The following GRIA2 variants were observed in gnomAD, a reference collection of about 807,000 sequenced individuals.
GRIA2 encodes the protein glutamate receptor 2.
In GRIA2, 14 loss-of-function variants were observed where a neutral mutation model predicts 97.3. The ratio of observed to expected loss-of-function variants is 0.14; its 90% confidence interval spans 0.10 to 0.23. The LOEUF is 0.23. Among genes scored for constraint, GRIA2 ranks in the 10% least tolerant of loss-of-function variants. The pLI is 1.00. For synonymous variants in GRIA2, 412 were observed against 387.8 expected (o/e 1.06, Z -0.73); for missense variants, 558 against 1,069.8 (o/e 0.52, Z 6.67).
At chr4:157,346,730 T>A (rs764660507) in intron 12 of GRIA2, among the ~76,000 whole-genome samples, 1 of 152,166 alleles carries the variant, frequency 6.6e-6, no homozygotes, top group Non-Finnish European at 1.5e-5. Flanking sequence ...CACTCATGCA[T>A]GGTTAGTCAT....
intron 4 of GRIA2, 120 bp from the exon 5 acceptor site, chr4:157,317,538 C>T: frequency 2.3e-6 from 1 of 427,144 alleles, no homozygotes; most frequent in Middle Eastern, 3.4e-4. Flanking sequence ...CTTATTTTGG[C>T]ACATCAACAA....
chr4:157,326,004 C>T (rs547617568), intron 6 of GRIA2, among the ~76,000 whole-genome samples: 1 of 152,260 alleles, frequency 6.6e-6, no homozygotes, highest in Non-Finnish European at 1.5e-5. Flanking sequence ...GAGCCAAAGT[C>T]ATCCTGTTGT....
In GRIA2 at chr4:157,363,649, ATTG is replaced by A. The variant is rs1736742119; in HGVS notation, c.*220_*222del. 9.0e-7 allele frequency: 1 copy of A among 1,105,764 alleles called. No homozygotes were observed. The highest frequency in any genetic ancestry group is 1.1e-6 in the Non-Finnish European group (1 of 871,134). The allele number at this position is 1,105,764 out of a possible 1,614,324, so 68.5% of individuals were successfully genotyped here. A position where few individuals can be genotyped will look rare whatever the true frequency, so the allele number is the denominator to read the frequency against. Reference sequence around the variant, plus strand: ...TACACAATGGTTTTCTTGTGTGTTTATTGTCAAAGTGGTGAGAGGCATCCAGTA... The same window carrying A: ...TACACAATGGTTTTCTTGTGTGTTTATCAAAGTGGTGAGAGGCATCCAGTA... On this transcript the variant is annotated 3_prime_UTR_variant, in exon 16 of 16. Coordinates refer to ENST00000264426, the MANE Select transcript of GRIA2 (RefSeq NM_001083619.3).
chr4:157,353,540 G>T (rs1378823224), intron 12 of GRIA2, among the ~76,000 whole-genome samples: 1 of 151,752 alleles, frequency 6.6e-6, no homozygotes, highest in Non-Finnish European at 1.5e-5. Context: ...GCCAGGTGTG[G>T]TGGTGGGCGC....
intron 12 of GRIA2, among the ~76,000 whole-genome samples, chr4:157,356,951 A>T (rs1736410424): frequency 6.6e-6 from 1 of 152,142 alleles, no homozygotes; most frequent in Admixed American, 6.6e-5. Flanking sequence ...TGGCAAAAAC[A>T]GCAATTACTT....
At chr4:157,239,743 T>C (rs1730418369) in intron 2 of GRIA2, among the ~76,000 whole-genome samples, 1 of 151,972 alleles carries the variant, frequency 6.6e-6, no homozygotes, top group Admixed American at 6.6e-5. Context: ...AATCAATAAG[T>C]ATTGTTTACA....
chr4:157,272,518 T>A (rs926746270), intron 2 of GRIA2, among the ~76,000 whole-genome samples: 22 of 152,076 alleles, frequency 1.4e-4, no homozygotes, highest in African/African-American at 5.3e-4. Context: ...ATCTTTGAGT[T>A]AAAAACTCCA....
intron 6 of GRIA2, among the ~76,000 whole-genome samples, chr4:157,322,478 A>T (rs1310553039): frequency 8.6e-5 from 13 of 152,038 alleles, no homozygotes. Flanking sequence ...ATGGGTTTGG[A>T]CACAATGAGA....
intron 2 of GRIA2, among the ~76,000 whole-genome samples, chr4:157,258,969 C>A (rs1180225887): frequency 1.3e-5 from 2 of 152,098 alleles, no homozygotes. Context: ...ATAATCTCAG[C>A]ACTTTGGGAG....
At chr4:157,257,514 C>T (rs1731332182) in intron 2 of GRIA2, among the ~76,000 whole-genome samples, 1 of 152,008 alleles carries the variant, frequency 6.6e-6, no homozygotes, top group African/African-American at 2.4e-5. Context: ...AACTGAAATG[C>T]AAGAAATAAC....
Position 157,317,661 on chromosome 4 carries a change from AT to A in GRIA2, c.672del (p.Thr225ProfsTer24). 8.9e-7 allele frequency: 1 copy of A among 1,129,144 alleles called. No homozygotes were observed. The highest frequency in any genetic ancestry group is 1.3e-5 in the South Asian group (1 of 76,074). The allele number at this position is 1,129,144 out of a possible 1,614,324, so 69.9% of individuals were successfully genotyped here. On this transcript the variant is annotated frameshift_variant, in exon 5 of 16. Coordinates refer to ENST00000264426, the MANE Select transcript of GRIA2 (RefSeq NM_001083619.3). LOFTEE classifies it high-confidence loss of function. The part of the protein sequence containing the change: ...DKVNDIVDQV[I>X]TIGKHVKGYH... ...ATTACTTATTTGTGCTTATTAGGTTATTACCATTGGAAAACATGTTAAAGGG... is the reference window on the plus strand; with the variant it reads ...ATTACTTATTTGTGCTTATTAGGTTATACCATTGGAAAACATGTTAAAGGG...
At chr4:157,254,261 G>T (rs547902772) in intron 2 of GRIA2, among the ~76,000 whole-genome samples, 1 of 152,056 alleles carries the variant, frequency 6.6e-6, no homozygotes, top group Admixed American at 6.6e-5. Flanking sequence ...TGTACTATAA[G>T]AACGTATAGA....
intron 6 of GRIA2, among the ~76,000 whole-genome samples, chr4:157,327,736 T>C (rs1269170908): frequency 1.3e-5 from 2 of 152,126 alleles, no homozygotes; most frequent in East Asian, 3.9e-4. Flanking sequence ...TGTGGCACTT[T>C]AAATAATGGC....
intron 2 of GRIA2, among the ~76,000 whole-genome samples, chr4:157,301,629 T>C (rs1180919990): frequency 2.0e-5 from 3 of 152,216 alleles, no homozygotes; most frequent in Admixed American, 2.0e-4. Flanking sequence ...AATTGGCAAT[T>C]AGAATCTGTA....
At chr4:157,355,923 T>TTATACATAAA (rs1736290858) in intron 12 of GRIA2, among the ~76,000 whole-genome samples, 3 of 67,092 alleles carry the variant, frequency 4.5e-5, no homozygotes, top group Non-Finnish European at 7.5e-5. Context: ...ATTAATATAT[T>TTATACATAAA]TATATATATT....
At chr4:157,250,433 A>G (rs1425168680) in intron 2 of GRIA2, among the ~76,000 whole-genome samples, 1 of 152,060 alleles carries the variant, frequency 6.6e-6, no homozygotes, top group African/African-American at 2.4e-5. Context: ...AGCAGGGTCA[A>G]TTTTCGCAAT....
intron 2 of GRIA2, among the ~76,000 whole-genome samples, chr4:157,256,283 T>TG (rs1460676116): frequency 4.4e-5 from 6 of 136,114 alleles, no homozygotes; most frequent in African/African-American, 1.7e-4. Flanking sequence ...ATGTTATATA[T>TG]TACATATATT....
At chr4:157,316,546 T>C (rs1734328542) in intron 4 of GRIA2, among the ~76,000 whole-genome samples, 1 of 151,814 alleles carries the variant, frequency 6.6e-6, no homozygotes, top group African/African-American at 2.4e-5. Context: ...GCAAAGGATA[T>C]AGTGGTGGAG....
At chr4:157,294,709 T>TGAGGCCTG (rs1733263791) in intron 2 of GRIA2, among the ~76,000 whole-genome samples, 1 of 152,112 alleles carries the variant, frequency 6.6e-6, no homozygotes, top group African/African-American at 2.4e-5. Context: ...GGCCCAAGTA[T>TGAGGCCTG]GAGCTTTGAG....
Sources: gnomAD v4.1 joint callset for allele counts (sites outside exome capture counted in the v4.1 genomes callset) on GRCh38, gnomAD v4.1.1 for gene constraint, MANE v1.5 for transcripts, NCBI Gene and HGNC (gene_info 2026-07-23, HGNC 2026-07-21) for gene names.